SPIRE1: variants seen among roughly 807,000 people sequenced by gnomAD.
SPIRE1 encodes protein spire homolog 1.
In SPIRE1, 40 loss-of-function variants were observed where a neutral mutation model predicts 94.1. The ratio of observed to expected loss-of-function variants is 0.43; its 90% CI spans 0.33 to 0.55. SPIRE1 has a LOEUF of 0.55. Among genes scored for constraint, SPIRE1 ranks in the 20% least tolerant of loss-of-function variants. The pLI is 0.06. For synonymous variants in SPIRE1, 376 were observed against 371.7 expected (o/e 1.01, Z -0.13); for missense variants, 838 against 975.2 (o/e 0.86, Z 1.87).
chr18:12,603,047 C>CA (rs2036881248), intron 2 of SPIRE1, among the ~76,000 whole-genome samples: 2 of 152,310 alleles, frequency 1.3e-5, no homozygotes, highest in South Asian at 4.1e-4. Context: ...ACATAACCTA[C>CA]AAAACATCAT....
chr18:12,631,339 GA>G lies in SPIRE1; in HGVS notation c.372+3722del, dbSNP rs558780396. Among the ~76,000 whole-genome samples the G allele has an allele frequency of 2.7e-3, 407 of 148,698 alleles. 1 individual carries two copies. Among genetic ancestry groups the G allele is most frequent in the African/African-American group, 9.4e-3 (382 of 40,644 alleles). ...TAAATGTTAATAACATTTTATGGAG[GA>G]AAAAAAAACTACATTAAAAAAATGA... On this transcript the variant is annotated intron_variant, in intron 2 of 16. Coordinates refer to ENST00000409402, the MANE Select transcript of SPIRE1 (RefSeq NM_001128626.2).
At chr18:12,649,701 AT>A (rs1193019411) in intron 1 of SPIRE1, among the ~76,000 whole-genome samples, 2 of 152,214 alleles carry the variant, frequency 1.3e-5, no homozygotes, top group Middle Eastern at 3.4e-3. Context: ...TAGCTCAATG[AT>A]TTTTTTCTTC....
intron 3 of SPIRE1, among the ~76,000 whole-genome samples, chr18:12,543,596 G>C (rs2035071452): frequency 6.6e-6 from 1 of 152,094 alleles, no homozygotes; most frequent in Non-Finnish European, 1.5e-5. Flanking sequence ...TAATAGAAGG[G>C]GGATATAAAG....
chr18:12,590,896 C>T lies in SPIRE1; in HGVS notation c.373-43992G>A, dbSNP rs866125505. Reference sequence around the variant, plus strand: ...TTTCTTTGGCCTTAAAACAAATTCACTGAGGTAGTACTTAGCCAAAATAAT... The same window carrying T: ...TTTCTTTGGCCTTAAAACAAATTCATTGAGGTAGTACTTAGCCAAAATAAT... On this transcript the variant is annotated intron_variant, in intron 2 of 16. Transcript: ENST00000409402. Among the ~76,000 whole-genome samples, 56 of 152,302 alleles carry T rather than the reference C, an allele frequency of 3.7e-4. 1 individual carries two copies. Among genetic ancestry groups the T allele is most frequent in the African/African-American group, 1.2e-3 (51 of 41,546 alleles).
In SPIRE1 at chr18:12,569,789, G is replaced by A. The variant is rs139974741; in HGVS notation, c.373-22885C>T. ...GACATTTCCAGGGCCTCTGACATTC[G>A]TTAAAATGAACATGAATTACAGTGT... On this transcript the variant is annotated intron_variant, in intron 2 of 16. Transcript: ENST00000409402. 4.7e-3 allele frequency among the ~76,000 whole-genome samples: 709 copies of A among 152,164 alleles called. 5 individuals carry two copies. Among genetic ancestry groups the A allele is most frequent in the African/African-American group, 0.016 (672 of 41,506 alleles).
At chr18:12,605,888 T>C (rs1221575119) in intron 2 of SPIRE1, among the ~76,000 whole-genome samples, 2 of 152,270 alleles carry the variant, frequency 1.3e-5, no homozygotes, top group Non-Finnish European at 2.9e-5. Context: ...CCCTGCTGCT[T>C]GGCCTCCCTC....
At chr18:12,544,171 C>T (rs575552482) in intron 3 of SPIRE1, among the ~76,000 whole-genome samples, 30 of 151,626 alleles carry the variant, frequency 2.0e-4, no homozygotes, top group Middle Eastern at 3.4e-3. Flanking sequence ...ATCTATAAAA[C>T]CTTAAAAAAA....
At chr18:12,541,109 A>T (rs895454464) in intron 3 of SPIRE1, among the ~76,000 whole-genome samples, 17 of 152,234 alleles carry the variant, frequency 1.1e-4, no homozygotes, top group African/African-American at 3.6e-4. Flanking sequence ...CTCTTGGGGC[A>T]TTTAAAAGTA....
chr18:12,449,566 A>C lies in SPIRE1; in HGVS notation c.*72T>G. ...CATTAAATAAAACCACAGAAAGGAGAGCCAGCCCGGCTCAGTGTCCTCGCG... is the reference window on the plus strand; with the variant it reads ...CATTAAATAAAACCACAGAAAGGAGCGCCAGCCCGGCTCAGTGTCCTCGCG... On this transcript the variant is annotated 3_prime_UTR_variant, in exon 17 of 17. Coordinates refer to ENST00000409402, the MANE Select transcript of SPIRE1 (RefSeq NM_001128626.2). The C allele has an allele frequency of 6.7e-7, 1 of 1,482,706 alleles. No individual in the cohort carries two copies. Among genetic ancestry groups the C allele is most frequent in the Admixed American group, 2.2e-5 (1 of 45,190 alleles). The allele number at this position is 1,482,706 out of a possible 1,614,324, so 91.8% of individuals were successfully genotyped here.
intron 2 of SPIRE1, among the ~76,000 whole-genome samples, chr18:12,590,498 A>G (rs1261508769): frequency 6.6e-6 from 1 of 152,240 alleles, no homozygotes; most frequent in Non-Finnish European, 1.5e-5. Context: ...CTAAAGAAGA[A>G]AGCCCAAAGG....
chr18:12,629,249 T>TG (rs1408572054), intron 2 of SPIRE1, among the ~76,000 whole-genome samples: 1 of 152,160 alleles, frequency 6.6e-6, no homozygotes, highest in Non-Finnish European at 1.5e-5. Context: ...TTTGGAAAGC[T>TG]GGAAAAAAAC....
At chr18:12,510,063 C>T (rs1483632328) in intron 5 of SPIRE1, among the ~76,000 whole-genome samples, 9 of 148,108 alleles carry the variant, frequency 6.1e-5, no homozygotes, top group Non-Finnish European at 8.9e-5. Flanking sequence ...CCAGCCTGGG[C>T]GACAGAGCAA....
At chr18:12,453,894 C>T (rs1189697768) in intron 13 of SPIRE1, among the ~76,000 whole-genome samples, 1 of 152,124 alleles carries the variant, frequency 6.6e-6, no homozygotes. Context: ...AAGCGATTCT[C>T]CCACCTCAGC....
At chr18:12,624,660 C>A (rs2037571171) in intron 2 of SPIRE1, among the ~76,000 whole-genome samples, 1 of 150,640 alleles carries the variant, frequency 6.6e-6, no homozygotes, top group Non-Finnish European at 1.5e-5. Context: ...CATGATGAAA[C>A]CCCATCTCTA....
At chr18:12,645,856 C>T (rs1319561344) in intron 1 of SPIRE1, among the ~76,000 whole-genome samples, 2 of 152,146 alleles carry the variant, frequency 1.3e-5, no homozygotes, top group African/African-American at 4.8e-5. Flanking sequence ...TGATCCCAGC[C>T]AACGTGCCTT....
At chr18:12,551,028 C>T (rs779652879) in intron 2 of SPIRE1, among the ~76,000 whole-genome samples, 1 of 152,248 alleles carries the variant, frequency 6.6e-6, no homozygotes, top group South Asian at 2.1e-4. Context: ...ATATGTATTC[C>T]GATATTTCCT....
chr18:12,556,272 T>C (rs2144354123), intron 2 of SPIRE1, among the ~76,000 whole-genome samples: 1 of 151,832 alleles, frequency 6.6e-6, no homozygotes, highest in African/African-American at 2.4e-5. Context: ...CCTATAAAAA[T>C]ACCAATGACA....
intron 1 of SPIRE1, among the ~76,000 whole-genome samples, chr18:12,650,967 G>A (rs113206760): frequency 1.1e-3 from 162 of 152,020 alleles, no homozygotes; most frequent in African/African-American, 3.7e-3. Context: ...TACTGTTAAG[G>A]CTCCTCCCAC....
At chr18:12,450,697 C>A in intron 16 of SPIRE1, 1 of 644,168 alleles carries the variant, frequency 1.6e-6, no homozygotes, top group Non-Finnish European at 2.8e-6. Context: ...CTAAGGGAGG[C>A]AAGAAGAAGG....
Sources: allele counts gnomAD v4.1 joint callset (sites outside exome capture counted in the v4.1 genomes callset), GRCh38; gene constraint gnomAD v4.1.1; transcripts MANE v1.5; gene names NCBI Gene and HGNC (gene_info 2026-07-23, HGNC 2026-07-21).